Variants in XRRA1 observed in about 807,000 individuals in gnomAD.
XRRA1 encodes the protein X-ray radiation resistance-associated protein 1.
In XRRA1, 69 loss-of-function variants were observed where a neutral mutation model predicts 80.2. That is an observed-to-expected ratio of 0.86 (90% CI 0.71 to 1.05). The LOEUF (loss-of-function observed/expected upper bound fraction) is 1.05, where lower values mean the gene tolerates loss of function less well. Ranked by LOEUF, XRRA1 falls within the 50% of genes least tolerant of loss-of-function variation. The pLI is 0.00. For missense variants in XRRA1, 967 were observed against 976.4 expected, an observed-to-expected ratio of 0.99 and a Z score of 0.13; for synonymous variants, 348 against 389.9, an observed-to-expected ratio of 0.89 and a Z score of 1.27.
intron 14 of XRRA1, 92 bp from the exon 15 acceptor site, chr11:74,848,554 C>T (rs574324611): frequency 9.1e-6 from 11 of 1,203,270 alleles, no homozygotes; most frequent in South Asian, 6.1e-5. Context: ...GTATAGCAGC[C>T]GGAGTGCTGG....
At chr11:74,933,561 G>A (rs1181433221) in intron 5 of XRRA1, 1 of 394,498 alleles carries the variant, frequency 2.5e-6, no homozygotes, top group African/African-American at 2.0e-5. Flanking sequence ...TGGCCCATAA[G>A]GCAATTTTCT....
intron 10 of XRRA1, among the ~76,000 whole-genome samples, chr11:74,877,260 A>G (rs1303895210): frequency 6.6e-6 from 1 of 152,206 alleles, no homozygotes; most frequent in Non-Finnish European, 1.5e-5. Context: ...GCCTACAATT[A>G]TCTTCTAATG....
intron 7 of XRRA1, 39 bp from the exon 8 acceptor site, chr11:74,921,386 C>G (rs752012451): frequency 2.2e-5 from 36 of 1,611,408 alleles, no homozygotes; most frequent in South Asian, 9.9e-5. Flanking sequence ...GGTAAGCACT[C>G]TGTGTGACAA....
intron 10 of XRRA1, among the ~76,000 whole-genome samples, chr11:74,899,523 G>T (rs542781663): frequency 6.6e-6 from 1 of 151,766 alleles, no homozygotes; most frequent in East Asian, 1.9e-4. Flanking sequence ...GTTAGGCTAA[G>T]AAAAAAACAG....
In XRRA1 at chr11:74,841,238, T is replaced by C. The variant is rs2036491630; in HGVS notation, c.*1962A>G. The C allele has an allele frequency of 6.6e-6, 1 of 152,340 alleles. No individual in the cohort carries two copies. The highest frequency in any genetic ancestry group is 3.4e-3 in the Middle Eastern group (1 of 294). The allele number at this position is 152,340 out of a possible 1,614,324, so 9.4% of individuals were successfully genotyped here. A position where few individuals can be genotyped will look rare whatever the true frequency, so the allele number is the denominator to read the frequency against. ...CCTCATCAACCCATAGAGTGGTCTT[T>C]TGAACTGGTATCTAAACATACCTGG... On this transcript the variant is annotated 3_prime_UTR_variant, in exon 19 of 19. Transcript: ENST00000684022.
At chr11:74,883,479 G>A (rs762250006) in intron 10 of XRRA1, among the ~76,000 whole-genome samples, 10 of 152,124 alleles carry the variant, frequency 6.6e-5, no homozygotes, top group East Asian at 1.9e-4. Flanking sequence ...CTTCTGTGTC[G>A]CTCACGCTGG....
intron 3 of XRRA1, among the ~76,000 whole-genome samples, chr11:74,937,892 C>A (rs918871706): frequency 6.6e-6 from 1 of 152,180 alleles, no homozygotes; most frequent in African/African-American, 2.4e-5. Flanking sequence ...CCAAGGCCTG[C>A]ACAGAGCTCA....
chr11:74,863,089 A>G, intron 10 of XRRA1, 68 bp from the exon 11 acceptor site: 10 of 1,431,160 alleles, frequency 7.0e-6, no homozygotes, highest in Non-Finnish European at 8.7e-6. Context: ...CACCCAGGAT[A>G]TAGGTCTGCC....
chr11:74,860,654 A>G (rs1361327495), intron 11 of XRRA1, among the ~76,000 whole-genome samples: 1 of 152,238 alleles, frequency 6.6e-6, no homozygotes, highest in African/African-American at 2.4e-5. Flanking sequence ...TAGACTGTTT[A>G]ATGGTCACAA....
intron 10 of XRRA1, among the ~76,000 whole-genome samples, chr11:74,901,450 T>C (rs1161717978): frequency 6.6e-6 from 1 of 152,134 alleles, no homozygotes; most frequent in Non-Finnish European, 1.5e-5. Flanking sequence ...TCTTAAAATT[T>C]ATATGGAACC....
intron 10 of XRRA1, among the ~76,000 whole-genome samples, chr11:74,881,919 T>C (rs1348376165): frequency 6.7e-6 from 1 of 150,058 alleles, no homozygotes; most frequent in Non-Finnish European, 1.5e-5. Flanking sequence ...AACCTGACCT[T>C]TCTCTCTGGC....
At chr11:74,923,421 G>A (rs1276111546) in intron 7 of XRRA1, among the ~76,000 whole-genome samples, 1 of 152,208 alleles carries the variant, frequency 6.6e-6, no homozygotes. Flanking sequence ...GCCTACAGGA[G>A]GAAGACCTGG....
rs564810260 is a variant in XRRA1, at chr11:74,890,799, C to T, written c.1003+15440G>A. Among the ~76,000 whole-genome samples, 865 of 152,290 alleles carry T rather than the reference C, an allele frequency of 5.7e-3. 6 individuals are homozygous for T. The highest frequency in any genetic ancestry group is 0.011 in the Admixed American group (165 of 15,284). ...CCTCTATGCAAATAAACTAGAAAAT[C>T]TAGAAGAAATGGATAAATTCCTCAA... On this transcript the variant is annotated intron_variant, in intron 10 of 18. Coordinates refer to ENST00000684022, the MANE Select transcript of XRRA1 (RefSeq NM_001378157.1).
chr11:74,884,281 G>C (rs191210832), intron 10 of XRRA1, among the ~76,000 whole-genome samples: 4 of 152,282 alleles, frequency 2.6e-5, no homozygotes, highest in South Asian at 4.1e-4. Flanking sequence ...ATAGAAAAGG[G>C]CTACCTGTGG....
At chr11:74,907,882 G>A (rs77453156) in intron 8 of XRRA1, among the ~76,000 whole-genome samples, 4,529 of 152,252 alleles carry the variant, frequency 0.03, 64 homozygotes, top group Non-Finnish European at 0.038. Context: ...AAATACCTAA[G>A]AGTGAGATTT....
chr11:74,899,269 T>C (rs1565360047), intron 10 of XRRA1, among the ~76,000 whole-genome samples: 1 of 152,032 alleles, frequency 6.6e-6, no homozygotes, highest in Non-Finnish European at 1.5e-5. Flanking sequence ...ACAGTACTAA[T>C]AGGAAAATTT....
At chr11:74,945,848 C>T (rs1404078130) in intron 1 of XRRA1, among the ~76,000 whole-genome samples, 1 of 152,076 alleles carries the variant, frequency 6.6e-6, no homozygotes, top group African/African-American at 2.4e-5. Context: ...TTGTTCCATT[C>T]CTTTGGCCTA....
At chr11:74,882,361 C>T (rs1352644007) in intron 10 of XRRA1, among the ~76,000 whole-genome samples, 1 of 150,912 alleles carries the variant, frequency 6.6e-6, no homozygotes, top group Non-Finnish European at 1.5e-5. Context: ...TCAGCTCCAT[C>T]AGCTCCTTTA....
intron 1 of XRRA1, among the ~76,000 whole-genome samples, chr11:74,945,616 C>A (rs547353445): frequency 3.4e-5 from 4 of 117,460 alleles, no homozygotes; most frequent in African/African-American, 1.2e-4. Context: ...CACATAACCC[C>A]TGGTTACATT....
Sources: allele counts gnomAD v4.1 joint callset (sites outside exome capture counted in the v4.1 genomes callset), GRCh38; gene constraint gnomAD v4.1.1; transcripts MANE v1.5; gene names NCBI Gene and HGNC (gene_info 2026-07-23, HGNC 2026-07-21).